Variants in KDM4B observed in about 807,000 individuals in gnomAD.
KDM4B encodes lysine demethylase 4B.
KDM4B carries 32 observed loss-of-function variants against 125.2 expected under a neutral mutation model. That is an observed-to-expected ratio of 0.26 (90% CI 0.19 to 0.34). The LOEUF (loss-of-function observed/expected upper bound fraction) is 0.34. Among genes scored for constraint, KDM4B ranks in the 10% least tolerant of loss-of-function variants. The pLI is 1.00. For synonymous variants in KDM4B, 721 were observed against 677.9 expected (o/e 1.06, Z -0.99); for missense variants, 1,190 against 1,577.7 (o/e 0.75, Z 4.16).
At chr19:5,050,688 C>T (rs749430747) in intron 6 of KDM4B, among the ~76,000 whole-genome samples, 2 of 152,186 alleles carry the variant, frequency 1.3e-5, no homozygotes, top group Non-Finnish European at 2.9e-5. Context: ...ATCATGAGGT[C>T]AGGAAATCGA....
At chr19:4,994,565 C>CAAAAA (rs397820720) in intron 1 of KDM4B, among the ~76,000 whole-genome samples, 1 of 45,676 alleles carries the variant, frequency 2.2e-5, no homozygotes, top group Non-Finnish European at 3.9e-5. Context: ...CTCTGTCTCT[C>CAAAAA]AAAAAAAAAA....
At position 5,049,659 on chromosome 19, in the gene KDM4B, G is replaced by A. The variant is rs370842796; in HGVS notation, c.626+1990G>A. 7.6e-4 allele frequency among the ~76,000 whole-genome samples: 116 copies of A among 152,210 alleles called. 2 individuals are homozygous for A. Among genetic ancestry groups the A allele is most frequent in the African/African-American group, 2.3e-3 (94 of 41,538 alleles). ...CTGCTCTCTCACCAGGGCTGAGGCG[G>A]GGCCCCAGATGTTCCCACGACACCC... On this transcript the variant is annotated intron_variant, in intron 6 of 22. Transcript: ENST00000159111.
intron 1 of KDM4B, among the ~76,000 whole-genome samples, chr19:4,969,816 C>T (rs1292126142): frequency 6.6e-6 from 1 of 151,470 alleles, no homozygotes; most frequent in African/African-American, 2.4e-5. Context: ...ACCTGCTATG[C>T]CTTGGTAGCT....
chr19:5,129,987 G>T (rs1026702012), intron 11 of KDM4B, among the ~76,000 whole-genome samples: 9 of 152,240 alleles, frequency 5.9e-5, no homozygotes, highest in African/African-American at 2.2e-4. Context: ...ACATGGAGCT[G>T]TGTGCAGGGA....
At chr19:4,982,494 G>A (rs1414567542) in intron 1 of KDM4B, among the ~76,000 whole-genome samples, 3 of 150,314 alleles carry the variant, frequency 2.0e-5, no homozygotes, top group Admixed American at 1.3e-4. Context: ...AAACCTGGAT[G>A]TATATGTAAA....
chr19:5,108,934 C>T (rs566734544), intron 9 of KDM4B, among the ~76,000 whole-genome samples: 61 of 152,324 alleles, frequency 4.0e-4, no homozygotes, highest in African/African-American at 1.3e-3. Flanking sequence ...CCCGAGCTTC[C>T]GCATGGCCCT....
At chr19:5,072,495 T>G (rs2037979495) in intron 7 of KDM4B, among the ~76,000 whole-genome samples, 1 of 152,308 alleles carries the variant, frequency 6.6e-6, no homozygotes, top group Non-Finnish European at 1.5e-5. Flanking sequence ...GGAGCACGCT[T>G]CTGGTAGTAG....
At chr19:5,016,888 A>G (rs1239316949) in intron 2 of KDM4B, among the ~76,000 whole-genome samples, 8 of 152,188 alleles carry the variant, frequency 5.3e-5, no homozygotes, top group Non-Finnish European at 7.3e-5. Context: ...GTGGCAGCCC[A>G]GGGGGACCAC....
chr19:5,151,422 G>A lies in KDM4B; in HGVS notation c.3202G>A (p.Ala1068Thr). Residue 1068 changes from alanine (A) to threonine (T), a missense_variant, in exon 23 of 23, where the codon GCC becomes ACC. Coordinates refer to ENST00000159111, the MANE Select transcript of KDM4B (RefSeq NM_015015.3). Reference sequence around the variant, plus strand: ...GCGCCCGCGTGTGGGCACCCCGCTTGCCACGGAGGACTCCGGGCGGAGCCA... The same window carrying A: ...GCGCCCGCGTGTGGGCACCCCGCTTACCACGGAGGACTCCGGGCGGAGCCA... ...AKRPRVGTPL[A>T]TEDSGRSQDY... 3.2e-6 allele frequency: 5 copies of A among 1,573,870 alleles called. No individual in the cohort carries two copies. The highest frequency in any genetic ancestry group is 4.3e-6 in the Non-Finnish European group (5 of 1,162,716).
intron 1 of KDM4B, among the ~76,000 whole-genome samples, chr19:5,009,165 T>G (rs1223147324): frequency 1.3e-5 from 2 of 152,150 alleles, no homozygotes; most frequent in Non-Finnish European, 2.9e-5. Flanking sequence ...TCTGCTCACC[T>G]TGGCCTCCCA....
rs535139810 is a variant in KDM4B at position 5,037,727 on chromosome 19, C to T, written c.142-2109C>T. Among the ~76,000 whole-genome samples, 4 of 152,344 alleles carry T rather than the reference C, an allele frequency of 2.6e-5. No homozygotes were observed. In the South Asian group the frequency reaches 6.2e-4, roughly 24 times the overall value. The stretch of plus-strand genomic sequence containing the variant: ...GGGTGCTGAGCAGCTTCCCTGGCCT[C>T]CATCTACCTCATGCCAGGAGCACCC... On this transcript the variant is annotated intron_variant, in intron 3 of 22. Transcript: ENST00000159111.
Position 5,142,462 on chromosome 19 carries a change from T to C in KDM4B, c.2551-1505T>C, listed in dbSNP as rs16992820. On this transcript the variant is annotated intron_variant, in intron 18 of 22. Transcript: ENST00000159111. The surrounding 1 kb of genome is among the most constrained non-coding windows in gnomAD (Gnocchi z 5.4). ...GGTCCCATGGGTCCGGGGGCACGCT[T>C]TTCACAACGTGGAGATGCAGGGTCA... is the stretch of plus-strand genomic sequence containing the variant. Among the ~76,000 whole-genome samples, 34,360 of 152,098 alleles carry C rather than the reference T, an allele frequency of 0.23. 4,183 individuals carry two copies. Among genetic ancestry groups the C allele is most frequent in the African/African-American group, 0.31 (12,691 of 41,504 alleles).
chr19:5,111,533 C>T lies in KDM4B; in HGVS notation c.1115+715C>T, dbSNP rs78334704. 181 of 764,530 alleles carry T rather than the reference C, an allele frequency of 2.4e-4. No individual in the cohort carries two copies. The African/African-American group carries it at 2.7e-3, about 12-fold the overall frequency. 47.4% of individuals were successfully genotyped at this position (764,530 alleles called of 1,614,324 possible). A position where few individuals can be genotyped will look rare whatever the true frequency, so the allele number is the denominator to read the frequency against. ...GGCCTAGGAGGAGATCCACTTCATG[C>T]CCAGAGTGAAGGCGAGCACCGGCCT... On this transcript the variant is annotated intron_variant, in intron 10 of 22. Coordinates refer to ENST00000159111, the MANE Select transcript of KDM4B (RefSeq NM_015015.3).
intron 16 of KDM4B, 135 bp from the exon 17 acceptor site, chr19:5,137,486 C>G (rs574889289): frequency 5.0e-6 from 6 of 1,203,356 alleles, no homozygotes; most frequent in Non-Finnish European, 7.1e-6. Context: ...AAGGGATTCC[C>G]ACCCGTCACT....
chr19:5,082,545 G>A lies in KDM4B; in HGVS notation c.918+41G>A, dbSNP rs2145872588. ...CTGGGAACGGGTCCCAGCAGGGCGG[G>A]AGGAGGCTCTTTTTTGCCTCTGCAG... On this transcript the variant is annotated intron_variant, in intron 9 of 22. Coordinates refer to ENST00000159111, the MANE Select transcript of KDM4B (RefSeq NM_015015.3). The surrounding 1 kb of genome is among the most constrained non-coding windows in gnomAD (Gnocchi z 5.4). 6.5e-7 allele frequency: 1 copy of A among 1,535,240 alleles called. No individual in the cohort carries two copies. Among genetic ancestry groups the A allele is most frequent in the Middle Eastern group, 1.8e-4 (1 of 5,666 alleles).
chr19:5,081,641 G>A lies in KDM4B; in HGVS notation c.781-726G>A, dbSNP rs2038298382. 6.6e-6 allele frequency among the ~76,000 whole-genome samples: 1 copy of A among 152,134 alleles called. No homozygotes were observed. The highest frequency in any genetic ancestry group is 1.5e-5 in the Non-Finnish European group (1 of 68,020). On this transcript the variant is annotated intron_variant, in intron 8 of 22. Coordinates refer to ENST00000159111, the MANE Select transcript of KDM4B (RefSeq NM_015015.3). This position sits in a 1 kb window ranked among gnomAD's most constrained non-coding sequence, Gnocchi z 4.2. ...ATTGGACCTGGGTCTGGAAGCATTG[G>A]CCCGCTCTCCAGGGTGCTGATCTGT...
chr19:5,102,351 G>A (rs954601713), intron 9 of KDM4B, among the ~76,000 whole-genome samples: 10 of 152,330 alleles, frequency 6.6e-5, no homozygotes, highest in Non-Finnish European at 1.2e-4. Flanking sequence ...CCTCCTTCCT[G>A]CAGTTGCCTC....
At chr19:4,983,349 G>T (rs1190926750) in intron 1 of KDM4B, among the ~76,000 whole-genome samples, 1 of 152,122 alleles carries the variant, frequency 6.6e-6, no homozygotes, top group African/African-American at 2.4e-5. Context: ...CCTATCCCAG[G>T]CAGGACTTAT....
At chr19:4,987,475 G>A (rs4807006) in intron 1 of KDM4B, among the ~76,000 whole-genome samples, 37,775 of 151,710 alleles carry the variant, frequency 0.25, 6,112 homozygotes, top group East Asian at 0.68. Context: ...ACATCTTCCC[G>A]GCCGGAGGGG....
Sources: allele counts gnomAD v4.1 joint callset (sites outside exome capture counted in the v4.1 genomes callset), GRCh38; gene constraint gnomAD v4.1.1; non-coding constraint Gnocchi (gnomAD v3.1); transcripts MANE v1.5; gene names NCBI Gene and HGNC (gene_info 2026-07-23, HGNC 2026-07-21).